DHX37: variants seen among roughly 807,000 people sequenced by gnomAD.
The protein encoded by DHX37 is probable ATP-dependent RNA helicase DHX37.
DHX37 carries 52 observed loss-of-function variants against 134.3 expected under a neutral mutation model. The ratio of observed to expected loss-of-function variants is 0.39; its 90% CI spans 0.31 to 0.49. DHX37 has a LOEUF of 0.49. Ranked by LOEUF, DHX37 falls within the 20% of genes least tolerant of loss-of-function variation. The pLI is 0.93. For synonymous variants in DHX37, 634 were observed against 670.7 expected, an observed-to-expected ratio of 0.95 and a Z score of 0.85; for missense variants, 1,344 against 1,580.8, an observed-to-expected ratio of 0.85 and a Z score of 2.54.
At position 124,953,902 on chromosome 12, in the gene DHX37, C is replaced by A; in HGVS notation, c.2673G>T (p.Leu891=). Residue 891 remains leucine, a synonymous_variant, in exon 20 of 27, where the codon CTG becomes CTT. Coordinates refer to ENST00000308736, the MANE Select transcript of DHX37 (RefSeq NM_032656.4). The part of the protein sequence containing the change: ...RYKAMMEIRR[L]RGQLTTAVNA... ...TACCTGCGGTGGTCAGCTGGCCCCGCAGGCGCCGGATCTCCATCATGGCTT... is the reference window on the plus strand; with the variant it reads ...TACCTGCGGTGGTCAGCTGGCCCCGAAGGCGCCGGATCTCCATCATGGCTT... 6.2e-7 allele frequency: 1 copy of A among 1,611,826 alleles called. No homozygotes were observed. The highest frequency in any genetic ancestry group is 8.5e-7 in the Non-Finnish European group (1 of 1,179,380).
At chr12:124,948,298 G>A in intron 25 of DHX37, 117 bp from the exon 26 acceptor site, 13 of 1,462,372 alleles carry the variant, frequency 8.9e-6, no homozygotes, top group Non-Finnish European at 1.2e-5. Context: ...GGAGGGTGAA[G>A]AGCTGGCTGG....
chr12:124,980,873 C>T lies in DHX37; in HGVS notation c.390-35G>A. 6.5e-7 allele frequency: 1 copy of T among 1,536,556 alleles called. No individual in the cohort carries two copies. ...TAGCAGAGACTTCAGGCACAGAGGC[C>T]CCACCTCAATCCCAGAGGTCAGGAC... On this transcript the variant is annotated intron_variant, in intron 3 of 26. Transcript: ENST00000308736. This position sits in a 1 kb window ranked among gnomAD's most constrained non-coding sequence, Gnocchi z 5.3.
At chr12:124,964,315 G>T in intron 15 of DHX37, 79 bp downstream of exon 15, 1 of 1,589,228 alleles carries the variant, frequency 6.3e-7, no homozygotes, top group Non-Finnish European at 8.5e-7. Flanking sequence ...GGAGGTGGGG[G>T]TCAGCATCCT....
chr12:124,948,878 G>A (rs891198198), intron 25 of DHX37, among the ~76,000 whole-genome samples: 12 of 133,068 alleles, frequency 9.0e-5, no homozygotes, highest in African/African-American at 6.2e-5. Context: ...TAATCATCCC[G>A]GGACAGAAGG....
chr12:124,953,475 G>A (rs532984367), intron 20 of DHX37: 2 of 185,106 alleles, frequency 1.1e-5, no homozygotes, highest in East Asian at 1.4e-4. Context: ...TTCCCTGGGT[G>A]TTGGTGGCAG....
At chr12:124,957,926 T>A (rs982658529) in intron 16 of DHX37, among the ~76,000 whole-genome samples, 1 of 151,666 alleles carries the variant, frequency 6.6e-6, no homozygotes, top group African/African-American at 2.4e-5. Flanking sequence ...CGAATAGGAG[T>A]GAAGCAGCGA....
At chr12:124,975,960 T>C (rs1954631422) in intron 5 of DHX37, among the ~76,000 whole-genome samples, 1 of 152,186 alleles carries the variant, frequency 6.6e-6, no homozygotes, top group Admixed American at 6.5e-5. Flanking sequence ...GCTCCTTCCA[T>C]TCCCTGTAAG....
intron 5 of DHX37, among the ~76,000 whole-genome samples, chr12:124,977,045 C>CAAA (rs368454437): frequency 1.6e-5 from 2 of 122,828 alleles, no homozygotes; most frequent in African/African-American, 3.0e-5. Flanking sequence ...GACGCTGTCT[C>CAAA]AAAAAAAAAA....
Position 124,960,490 on chromosome 12 carries a change from T to G in DHX37, c.2046-67A>C, listed in dbSNP as rs1369958075. On this transcript the variant is annotated intron_variant, in intron 15 of 26. Coordinates refer to ENST00000308736, the MANE Select transcript of DHX37 (RefSeq NM_032656.4). ...CCAAAAACCACAGATGAATACAGCC[T>G]GGGCAGACAGAAACCGGGACAACAA... 7 of 1,580,646 alleles carry G rather than the reference T, an allele frequency of 4.4e-6. No homozygotes were observed. The East Asian group carries it at 1.4e-4, about 31-fold the overall frequency.
rs1443747857 is a variant in DHX37, at chr12:124,955,051, G to A, written c.2454-840C>T. 3.3e-5 allele frequency among the ~76,000 whole-genome samples: 5 copies of A among 152,330 alleles called. No homozygotes were observed. The South Asian group carries it at 8.3e-4, about 25-fold the overall frequency. The stretch of plus-strand genomic sequence containing the variant: ...GAGCCTTGACACTAGCATCACGTGG[G>A]AGTCTTAGAGATGCTGGGACCAGGA... On this transcript the variant is annotated intron_variant, in intron 18 of 26. Coordinates refer to ENST00000308736, the MANE Select transcript of DHX37 (RefSeq NM_032656.4).
intron 2 of DHX37, among the ~76,000 whole-genome samples, chr12:124,985,188 G>T (rs1469466134): frequency 1.3e-5 from 2 of 152,174 alleles, no homozygotes; most frequent in Non-Finnish European, 2.9e-5. Flanking sequence ...AAGCCCCTCA[G>T]TTTGTGGTCA....
chr12:124,981,922 G>A (rs7956740), intron 3 of DHX37, among the ~76,000 whole-genome samples: 54,372 of 150,860 alleles, frequency 0.36, 9,919 homozygotes, highest in East Asian at 0.43. Context: ...TTGGGAGTTC[G>A]AGACCAGCCT....
Position 124,947,844 on chromosome 12 carries a change from G to C in DHX37, c.3432C>G (p.His1144Gln). ...EYCEWLPQAM[H>Q]PDIEKAWPPT... ...GGGGCCAGGCTTTCTCGATATCGGG[G>C]TGCATGGCCTGTGGAAGCCACTCAC... Residue 1144 changes from histidine (H) to glutamine (Q), a missense_variant, in exon 27 of 27, where the codon CAC becomes CAG. Physicochemically the swap from His to Gln is conservative, Grantham distance 24 (BLOSUM62 0). Around this residue, in one of 7 missense-constraint regions of DHX37, gnomAD observed 558 missense variants for 650.0 expected, o/e 0.86. Transcript: ENST00000308736. 1 of 1,607,178 alleles carries C rather than the reference G, an allele frequency of 6.2e-7. No individual in the cohort carries two copies. The highest frequency in any genetic ancestry group is 8.5e-7 in the Non-Finnish European group (1 of 1,176,258).
chr12:124,973,900 C>T (rs1954574025), intron 6 of DHX37, among the ~76,000 whole-genome samples: 1 of 152,080 alleles, frequency 6.6e-6, no homozygotes. Flanking sequence ...GCCTCGGCCT[C>T]CCAAAGTCCT....
At chr12:124,959,073 C>CTTT (rs1188884814) in intron 16 of DHX37, among the ~76,000 whole-genome samples, 13,010 of 115,624 alleles carry the variant, frequency 0.11, 2,588 homozygotes, top group African/African-American at 0.41. Flanking sequence ...CCACACCTGG[C>CTTT]TTTTTTTTTT....
chr12:124,952,323 C>A (rs561787414), intron 21 of DHX37, 75 bp downstream of exon 21: 552 of 1,471,070 alleles, frequency 3.8e-4, no homozygotes, highest in Non-Finnish European at 4.1e-4. Context: ...CCTCCCCAGA[C>A]CCTGAGGGCC....
In DHX37 at chr12:124,980,823, C is replaced by T. The variant is rs1237104945; in HGVS notation, c.405G>A (p.Val135=). ...TGATCTTCTCCTGGCCCGGGGCTACCACCTCGTCAGCCTTCCTGTTGAGAT... is the reference window on the plus strand; with the variant it reads ...TGATCTTCTCCTGGCCCGGGGCTACTACCTCGTCAGCCTTCCTGTTGAGAT... ...MYHTKEKADE[V]VAPGQEKISS... The change falls in exon 4 of 27, where the codon GTG becomes GTA. Residue 135 remains valine (V), a synonymous_variant. Transcript: ENST00000308736. This position sits in a 1 kb window ranked among gnomAD's most constrained non-coding sequence, Gnocchi z 5.3. 2.6e-6 allele frequency: 4 copies of T among 1,553,928 alleles called. No homozygotes were observed. The highest frequency in any genetic ancestry group is 3.5e-6 in the Non-Finnish European group (4 of 1,152,682).
chr12:124,948,080 T>C lies in DHX37; in HGVS notation c.3388+4A>G. 1 of 1,614,180 alleles carries C rather than the reference T, an allele frequency of 6.2e-7. No individual in the cohort carries two copies. Among genetic ancestry groups the C allele is most frequent in the Non-Finnish European group, 8.5e-7 (1 of 1,180,036 alleles). ...TCCCACCCCCTGGCCCTGGTCAAAC[T>C]CACATTTGGGGTTTTTCTTCCAAGC... is the stretch of plus-strand genomic sequence containing the variant. On this transcript the variant is annotated splice_donor_region_variant and intron_variant, in intron 26 of 26. Coordinates refer to ENST00000308736, the MANE Select transcript of DHX37 (RefSeq NM_032656.4).
chr12:124,967,631 A>G (rs1300595245), intron 10 of DHX37, among the ~76,000 whole-genome samples: 3 of 152,218 alleles, frequency 2.0e-5, no homozygotes, highest in African/African-American at 7.2e-5. Context: ...GAAAGGCCAT[A>G]AGCAGAGCAA....
Sources: allele counts gnomAD v4.1 joint callset (sites outside exome capture counted in the v4.1 genomes callset), GRCh38; gene constraint gnomAD v4.1.1; regional missense constraint gnomAD v4.1.1; non-coding constraint Gnocchi (gnomAD v3.1); transcripts MANE v1.5; gene names NCBI Gene and HGNC (gene_info 2026-07-23, HGNC 2026-07-21).